Variants in CDH13 observed in about 807,000 individuals in gnomAD.
CDH13 encodes cadherin-13.
CDH13 carries 24 observed loss-of-function variants against 63.8 expected under a neutral mutation model. That is an observed-to-expected ratio of 0.38 (90% CI 0.27 to 0.53). The LOEUF (loss-of-function observed/expected upper bound fraction) is 0.53. CDH13 is among the 20% of genes least tolerant of loss of function. The pLI, the probability that CDH13 is intolerant of heterozygous loss-of-function variation, is 0.85. For synonymous variants in CDH13, 503 were observed against 355.3 expected (o/e 1.42, Z -4.67); for missense variants, 1,049 against 903.1 (o/e 1.16, Z -2.07).
At chr16:83,482,906 C>T (rs1019690435) in intron 6 of CDH13, among the ~76,000 whole-genome samples, 49 of 152,338 alleles carry the variant, frequency 3.2e-4, no homozygotes, top group African/African-American at 9.6e-4. Context: ...TCCTAGTCTC[C>T]TGTATCTGAG....
intron 1 of CDH13, among the ~76,000 whole-genome samples, chr16:82,812,493 G>A (rs924156865): frequency 6.6e-6 from 1 of 152,118 alleles, no homozygotes; most frequent in Admixed American, 6.5e-5. Flanking sequence ...AGGTGAGGTG[G>A]TGGAGGTGCA....
chr16:83,710,733 A>C (rs950265653), intron 10 of CDH13, among the ~76,000 whole-genome samples: 4 of 152,188 alleles, frequency 2.6e-5, no homozygotes, highest in African/African-American at 4.8e-5. Flanking sequence ...AATGAGTTAA[A>C]GTTCATGTGT....
chr16:83,307,762 TC>T (rs1375371068), intron 5 of CDH13, among the ~76,000 whole-genome samples: 4 of 152,284 alleles, frequency 2.6e-5, no homozygotes, highest in East Asian at 1.9e-4. Context: ...AGAAATTTTT[TC>T]CCCGGAAATG....
chr16:82,747,973 G>T (rs572440518), intron 1 of CDH13, among the ~76,000 whole-genome samples: 2 of 152,186 alleles, frequency 1.3e-5, no homozygotes, highest in African/African-American at 4.8e-5. Flanking sequence ...ACCTGGAAAA[G>T]CTTGGGCTCA....
chr16:83,136,078 GATCGGGTGATGGGTGCACCAAAATC>G (rs2036269830), intron 4 of CDH13, among the ~76,000 whole-genome samples: 1 of 151,686 alleles, frequency 6.6e-6, no homozygotes, highest in South Asian at 2.1e-4. Context: ...CGTGTATTCT[GATCGGGTGATGGGTGCACCAAAATC>G]TCACATATCA....
At chr16:82,740,019 C>G (rs1462226109) in intron 1 of CDH13, among the ~76,000 whole-genome samples, 1 of 152,158 alleles carries the variant, frequency 6.6e-6, no homozygotes, top group Admixed American at 6.5e-5. Flanking sequence ...TAGACCATTT[C>G]TCTGGTAAAC....
chr16:82,672,139 C>T (rs1913323009), intron 1 of CDH13, among the ~76,000 whole-genome samples: 1 of 152,232 alleles, frequency 6.6e-6, no homozygotes, highest in Admixed American at 6.5e-5. Context: ...TCAGTAACTT[C>T]CCAACTGTGA....
At chr16:83,089,073 G>A (rs8043791) in intron 3 of CDH13, among the ~76,000 whole-genome samples, 22,484 of 152,096 alleles carry the variant, frequency 0.15, 2,101 homozygotes, top group African/African-American at 0.26. Context: ...AGACTCCTGA[G>A]GCAGGGTTTT....
chr16:83,414,892 A>G (rs181294301), intron 6 of CDH13, among the ~76,000 whole-genome samples: 367 of 152,306 alleles, frequency 2.4e-3, no homozygotes, highest in Non-Finnish European at 3.8e-3. Flanking sequence ...CTCCAGTAAT[A>G]TCTTCAAACT....
At chr16:83,553,404 G>A (rs967418019) in intron 7 of CDH13, among the ~76,000 whole-genome samples, 11 of 152,048 alleles carry the variant, frequency 7.2e-5, no homozygotes, top group Non-Finnish European at 1.0e-4. Flanking sequence ...GTAACTAGTG[G>A]GTGTTTCTTG....
chr16:83,604,606 C>CT (rs34451324), intron 8 of CDH13, among the ~76,000 whole-genome samples: 2 of 151,794 alleles, frequency 1.3e-5, no homozygotes, highest in African/African-American at 2.4e-5. Flanking sequence ...GGCCTGGGGG[C>CT]TTTTTTTTCT....
chr16:83,320,246 C>T (rs1458454407), intron 5 of CDH13, among the ~76,000 whole-genome samples: 2 of 151,556 alleles, frequency 1.3e-5, no homozygotes, highest in Admixed American at 6.6e-5. Context: ...GGGTCTCATT[C>T]TGTTGCCCAG....
chr16:83,730,829 A>G (rs1910961361), intron 10 of CDH13, among the ~76,000 whole-genome samples: 1 of 152,114 alleles, frequency 6.6e-6, no homozygotes, highest in South Asian at 2.1e-4. Flanking sequence ...TCCCCCTTCT[A>G]GTAGTCCCCA....
At chr16:82,941,724 T>A in intron 2 of CDH13, among the ~76,000 whole-genome samples, 1 of 152,166 alleles carries the variant, frequency 6.6e-6, no homozygotes, top group East Asian at 1.9e-4. Context: ...AGTTTTCTTT[T>A]TCCATCCCTG....
At position 83,796,012 on chromosome 16, in the gene CDH13, A is replaced by C. The variant is rs1163236749; in HGVS notation, c.*982A>C. 2.6e-5 allele frequency: 4 copies of C among 152,670 alleles called. No individual in the cohort carries two copies. The South Asian group carries it at 8.3e-4, about 32-fold the overall frequency. 9.5% of individuals were successfully genotyped at this position (152,670 alleles called of 1,614,324 possible). A position where few individuals can be genotyped will look rare whatever the true frequency, so the allele number is the denominator to read the frequency against. Reference sequence around the variant, plus strand: ...CACATGTACAGACATACATTTATGCACATTCACGCTGTTTGTTTCATATAT... The same window carrying C: ...CACATGTACAGACATACATTTATGCCCATTCACGCTGTTTGTTTCATATAT... On this transcript the variant is annotated 3_prime_UTR_variant, in exon 14 of 14. Transcript: ENST00000567109.
intron 4 of CDH13, among the ~76,000 whole-genome samples, chr16:83,141,453 C>G (rs762533080): frequency 6.6e-6 from 1 of 152,086 alleles, no homozygotes; most frequent in African/African-American, 2.4e-5. Flanking sequence ...TAATCTTATT[C>G]TTTATATTTT....
intron 4 of CDH13, among the ~76,000 whole-genome samples, chr16:83,206,964 A>C (rs1467787939): frequency 6.6e-6 from 1 of 152,256 alleles, no homozygotes; most frequent in Non-Finnish European, 1.5e-5. Context: ...ACCTGTACTC[A>C]GACTAAAATA....
At chr16:83,376,514 T>G (rs1247594552) in intron 6 of CDH13, among the ~76,000 whole-genome samples, 15 of 152,190 alleles carry the variant, frequency 9.9e-5, no homozygotes, top group Admixed American at 9.2e-4. Flanking sequence ...TGATGAGTTT[T>G]GAGTAAAAAC....
intron 1 of CDH13, among the ~76,000 whole-genome samples, chr16:82,668,992 G>T (rs1000694297): frequency 6.6e-6 from 1 of 152,206 alleles, no homozygotes; most frequent in Non-Finnish European, 1.5e-5. Flanking sequence ...GCACAGTGCA[G>T]TCCTGCTGAT....
Sources: gnomAD v4.1 joint callset for allele counts (sites outside exome capture counted in the v4.1 genomes callset) on GRCh38, gnomAD v4.1.1 for gene constraint, MANE v1.5 for transcripts, NCBI Gene and HGNC (gene_info 2026-07-23, HGNC 2026-07-21) for gene names.